PPP2CB: variants seen among roughly 807,000 people sequenced by gnomAD.
The protein encoded by PPP2CB is serine/threonine-protein phosphatase 2A catalytic subunit beta isoform.
In PPP2CB, 18 loss-of-function variants were observed where a neutral mutation model predicts 39.1. That is an observed-to-expected ratio of 0.46 (90% CI 0.32 to 0.68). The LOEUF (loss-of-function observed/expected upper bound fraction) is 0.68. Among genes scored for constraint, PPP2CB ranks in the 30% least tolerant of loss-of-function variants. The probability of loss-of-function intolerance (pLI) is 0.04; values close to 1 mark genes in which losing one functional copy is unlikely to be tolerated. For missense variants in PPP2CB, 226 were observed against 396.9 expected (o/e 0.57, Z 3.66); for synonymous variants, 129 against 133.8 (o/e 0.96, Z 0.25).
At position 30,812,430 on chromosome 8, in the gene PPP2CB, G is replaced by A. The variant is rs1160947613; in HGVS notation, c.-9C>T. On this transcript the variant is annotated 5_prime_UTR_variant, in exon 1 of 7. Coordinates refer to ENST00000221138, the MANE Select transcript of PPP2CB (RefSeq NM_001009552.2). ...AACGCCTTGTCGTCCATGGCGGCCC[G>A]ATCCCGATGCGGATCCCGAGCCCCA... 4.0e-6 allele frequency: 6 copies of A among 1,518,650 alleles called. No individual in the cohort carries two copies. Among genetic ancestry groups the A allele is most frequent in the Non-Finnish European group, 2.7e-6 (3 of 1,130,018 alleles). The allele number at this position is 1,518,650 out of a possible 1,614,324, so 94.1% of individuals were successfully genotyped here.
chr8:30,810,888 T>C (rs1039039216), intron 1 of PPP2CB, among the ~76,000 whole-genome samples: 1 of 152,226 alleles, frequency 6.6e-6, no homozygotes, highest in Non-Finnish European at 1.5e-5. Flanking sequence ...AAGAGTACCC[T>C]AAAATCAGAC....
At chr8:30,796,527 T>C (rs935115190) in intron 3 of PPP2CB, among the ~76,000 whole-genome samples, 1 of 152,138 alleles carries the variant, frequency 6.6e-6, no homozygotes, top group Non-Finnish European at 1.5e-5. Context: ...GGACTGGGAC[T>C]ACAGGCATGC....
At chr8:30,798,584 T>C (rs1806564068) in intron 2 of PPP2CB, among the ~76,000 whole-genome samples, 1 of 152,184 alleles carries the variant, frequency 6.6e-6, no homozygotes, top group Non-Finnish European at 1.5e-5. Flanking sequence ...ACCACCTAGG[T>C]TTGTGTAAGT....
chr8:30,802,151 T>G (rs563472889), intron 1 of PPP2CB, among the ~76,000 whole-genome samples: 8 of 152,340 alleles, frequency 5.3e-5, no homozygotes, highest in South Asian at 2.1e-4. Flanking sequence ...TGTAATTAAT[T>G]AGAATGAGAT....
intron 6 of PPP2CB, among the ~76,000 whole-genome samples, chr8:30,786,662 C>CTTT (rs35450368): frequency 7.8e-5 from 10 of 127,754 alleles, no homozygotes; most frequent in South Asian, 4.8e-4. Flanking sequence ...AATAATATCA[C>CTTT]TTTTTTTTTT....
At chr8:30,805,576 AAAG>A (rs1201978161) in intron 1 of PPP2CB, among the ~76,000 whole-genome samples, 1 of 152,232 alleles carries the variant, frequency 6.6e-6, no homozygotes, top group East Asian at 1.9e-4. Flanking sequence ...AAACAAAAAA[AAAG>A]AGATTTTGAG....
chr8:30,791,827 T>C (rs754232305), intron 5 of PPP2CB, among the ~76,000 whole-genome samples: 2 of 151,794 alleles, frequency 1.3e-5, no homozygotes, highest in Non-Finnish European at 2.9e-5. Context: ...CTAATTAATG[T>C]ATGTGTATAT....
chr8:30,790,745 G>A (rs1806415691), intron 6 of PPP2CB, among the ~76,000 whole-genome samples: 1 of 152,234 alleles, frequency 6.6e-6, no homozygotes, highest in African/African-American at 2.4e-5. Flanking sequence ...TGTAACTCCA[G>A]ACTAGGAGAG....
intron 3 of PPP2CB, among the ~76,000 whole-genome samples, chr8:30,794,686 A>G (rs959607320): frequency 1.3e-5 from 2 of 152,102 alleles, no homozygotes; most frequent in Admixed American, 6.6e-5. Flanking sequence ...CAATGCAGCC[A>G]TGAACTCCTG....
chr8:30,796,922 C>A (rs1477732915), intron 3 of PPP2CB, among the ~76,000 whole-genome samples: 1 of 152,200 alleles, frequency 6.6e-6, no homozygotes, highest in East Asian at 1.9e-4. Context: ...CGGCTCACTG[C>A]AGCCTTAACT....
Position 30,794,222 on chromosome 8 carries a change from G to A in PPP2CB, c.546C>T (p.Ala182=). Residue 182 remains alanine (A), a synonymous_variant, in exon 4 of 7, where the codon GCC becomes GCT. Transcript: ENST00000221138. ...PSIDTLDHIR[A]LDRLQEVPHE... ...GTGGAACTTCCTGTAAACGATCCAG[G>A]GCTCTTATATGATCCAGTGTGTCTA... 1 of 1,613,842 alleles carries A rather than the reference G, an allele frequency of 6.2e-7. No individual in the cohort carries two copies. Among genetic ancestry groups the A allele is most frequent in the Non-Finnish European group, 8.5e-7 (1 of 1,179,922 alleles).
chr8:30,792,373 A>G (rs1324766883), intron 5 of PPP2CB, among the ~76,000 whole-genome samples: 2 of 150,894 alleles, frequency 1.3e-5, no homozygotes, highest in Non-Finnish European at 1.5e-5. Context: ...TATTTTTGAT[A>G]TTTTGATTAA....
In PPP2CB at chr8:30,791,149, A is replaced by C. The variant is rs1806420878; in HGVS notation, c.857+48T>G. 1.4e-5 allele frequency: 18 copies of C among 1,301,696 alleles called. No individual in the cohort carries two copies. The East Asian group carries it at 4.4e-4, about 32-fold the overall frequency. The allele number at this position is 1,301,696 out of a possible 1,614,324, so 80.6% of individuals were successfully genotyped here. On this transcript the variant is annotated intron_variant, in intron 6 of 6. Coordinates refer to ENST00000221138, the MANE Select transcript of PPP2CB (RefSeq NM_001009552.2). ...AGAAATCTTCTATTTTTAACATTTA[A>C]AATTTTCCTTCTGAAAGTATATACA...
At chr8:30,787,876 C>A (rs1251353911) in intron 6 of PPP2CB, among the ~76,000 whole-genome samples, 2 of 152,162 alleles carry the variant, frequency 1.3e-5, no homozygotes, top group Non-Finnish European at 2.9e-5. Context: ...TCAATATTTT[C>A]ACATTTGAAA....
At chr8:30,806,512 G>C (rs1266054403) in intron 1 of PPP2CB, among the ~76,000 whole-genome samples, 1 of 152,120 alleles carries the variant, frequency 6.6e-6, no homozygotes, top group Non-Finnish European at 1.5e-5. Context: ...AAGGAAATCA[G>C]TTCAAAACAA....
chr8:30,811,795 C>G (rs373021756), intron 1 of PPP2CB, among the ~76,000 whole-genome samples: 8 of 152,190 alleles, frequency 5.3e-5, no homozygotes, highest in African/African-American at 1.9e-4. Context: ...AGCCACCACG[C>G]CCGGCTTGAG....
Position 30,799,527 on chromosome 8 carries a change from T to G in PPP2CB, c.312+19A>C, listed in dbSNP as rs1367021040. ...CTGGTTTAAATCTTGAAAAAAAAAT[T>G]GAATTTCAATAATCATACCTTTAAT... On this transcript the variant is annotated intron_variant, in intron 2 of 6. Transcript: ENST00000221138. 6.3e-7 allele frequency: 1 copy of G among 1,590,998 alleles called. No individual in the cohort carries two copies. The highest frequency in any genetic ancestry group is 1.3e-5 in the African/African-American group (1 of 74,250).
At chr8:30,804,299 T>A (rs1392149153) in intron 1 of PPP2CB, among the ~76,000 whole-genome samples, 1 of 152,224 alleles carries the variant, frequency 6.6e-6, no homozygotes, top group Non-Finnish European at 1.5e-5. Context: ...AATAAAAATC[T>A]GTATAGTGAA....
Position 30,812,581 on chromosome 8 carries a change from G to A in PPP2CB, c.-160C>T. ...GACTGAGCCGGGTAGGGCGGCCGCG[G>A]GCCCCGCGCCCCGCCCAAGCCCAGC... On this transcript the variant is annotated 5_prime_UTR_variant, in exon 1 of 7. Transcript: ENST00000221138. The A allele has an allele frequency of 2.7e-6, 1 of 375,216 alleles. No homozygotes were observed. The highest frequency in any genetic ancestry group is 4.5e-6 in the Non-Finnish European group (1 of 222,864). 23.2% of individuals were successfully genotyped at this position (375,216 alleles called of 1,614,324 possible). A position where few individuals can be genotyped will look rare whatever the true frequency, so the allele number is the denominator to read the frequency against.
Sources: allele counts gnomAD v4.1 joint callset (sites outside exome capture counted in the v4.1 genomes callset), GRCh38; gene constraint gnomAD v4.1.1; transcripts MANE v1.5; gene names NCBI Gene and HGNC (gene_info 2026-07-23, HGNC 2026-07-21).